Variants in SPSB1 observed in about 807,000 individuals in gnomAD.
SPSB1 encodes the protein SPRY domain-containing SOCS box protein 1.
A neutral mutation model predicts 21.2 loss-of-function variants in SPSB1; 8 were observed. The ratio of observed to expected loss-of-function variants is 0.38; its 90% CI spans 0.22 to 0.68. SPSB1 has a LOEUF of 0.68. SPSB1 is among the 30% of genes least tolerant of loss of function. The probability of loss-of-function intolerance (pLI) is 0.53; values close to 1 mark genes in which losing one functional copy is unlikely to be tolerated. For synonymous variants in SPSB1, 169 were observed against 161.7 expected, an observed-to-expected ratio of 1.05 and a Z score of -0.34; for missense variants, 242 against 377.8, an observed-to-expected ratio of 0.64 and a Z score of 2.98.
intron 1 of SPSB1, among the ~76,000 whole-genome samples, chr1:9,304,847 A>G (rs1160110703): frequency 6.6e-6 from 1 of 151,992 alleles, no homozygotes; most frequent in East Asian, 1.9e-4. Context: ...TAATTTTTAA[A>G]TTTCTCACAA....
chr1:9,351,344 C>T (rs960314741), intron 1 of SPSB1: 7 of 152,208 alleles, frequency 4.6e-5, no homozygotes, highest in African/African-American at 1.7e-4. Context: ...GATGTGGTGA[C>T]CAGGAAGACA....
In SPSB1 at chr1:9,346,139, C is replaced by T. The variant is rs530502112; in HGVS notation, c.-149-9604C>T. 1.3e-5 allele frequency among the ~76,000 whole-genome samples: 2 copies of T among 152,342 alleles called. No individual in the cohort carries two copies. Among genetic ancestry groups the T allele is most frequent in the Non-Finnish European group, 2.9e-5 (2 of 68,030 alleles). ...GATTCTGATAAAATAGCAGATTGCT[C>T]GGGGCATGTTTCTCTTGCAAAATCC... On this transcript the variant is annotated intron_variant, in intron 1 of 2. Coordinates refer to ENST00000328089, the MANE Select transcript of SPSB1 (RefSeq NM_025106.4). The surrounding 1 kb of genome is among the most constrained non-coding windows in gnomAD (Gnocchi z 4.4).
Position 9,305,085 on chromosome 1 carries a change from T to A in SPSB1, c.-150+12014T>A, listed in dbSNP as rs1639389824. On this transcript the variant is annotated intron_variant, in intron 1 of 2. Transcript: ENST00000328089. The surrounding 1 kb of genome is among the most constrained non-coding windows in gnomAD (Gnocchi z 4.8). ...TCCCTACAGGGGCCTCTCCCACTTC[T>A]CCCTCTCGCCCTTGTGGCCCATCTG... is the stretch of plus-strand genomic sequence containing the variant. Among the ~76,000 whole-genome samples, 1 of 152,004 alleles carries A rather than the reference T, an allele frequency of 6.6e-6. No individual in the cohort carries two copies. Among genetic ancestry groups the A allele is most frequent in the Non-Finnish European group, 1.5e-5 (1 of 67,980 alleles).
intron 1 of SPSB1, among the ~76,000 whole-genome samples, chr1:9,325,911 T>C (rs1181020919): frequency 1.3e-5 from 2 of 152,018 alleles, no homozygotes; most frequent in African/African-American, 4.8e-5. Flanking sequence ...ACAGAGATCC[T>C]GAGGCAGGAG....
chr1:9,306,722 G>A (rs1639417461), intron 1 of SPSB1, among the ~76,000 whole-genome samples: 1 of 152,122 alleles, frequency 6.6e-6, no homozygotes, highest in Non-Finnish European at 1.5e-5. Flanking sequence ...CGAGAGATAG[G>A]TCAGCAGAGT....
At chr1:9,359,432 G>A (rs867651383) in intron 2 of SPSB1, among the ~76,000 whole-genome samples, 4 of 152,128 alleles carry the variant, frequency 2.6e-5, no homozygotes, top group South Asian at 2.1e-4. Context: ...GGCTGGGCGC[G>A]GTGGCTCATG....
At chr1:9,355,613 C>G in intron 1 of SPSB1, 130 bp from the exon 2 acceptor site, 1 of 1,038,112 alleles carries the variant, frequency 9.6e-7, no homozygotes, top group East Asian at 3.8e-5. Flanking sequence ...CCAGCCTGCC[C>G]GTGTCAGGCA....
chr1:9,318,783 C>T (rs1454963015), intron 1 of SPSB1, among the ~76,000 whole-genome samples: 2 of 152,198 alleles, frequency 1.3e-5, no homozygotes, highest in East Asian at 1.9e-4. Flanking sequence ...AGGACAGGGT[C>T]CCTGTCTCCA....
At position 9,367,110 on chromosome 1, in the gene SPSB1, C is replaced by T. The variant is rs1364711953; in HGVS notation, c.695-338C>T. The stretch of plus-strand genomic sequence containing the variant: ...CTGCATCTCCTGCCAGCAGGGCGAC[C>T]CCTGGCAAGTCATTTAGACTCTGTC... On this transcript the variant is annotated intron_variant, in intron 2 of 2. Coordinates refer to ENST00000328089, the MANE Select transcript of SPSB1 (RefSeq NM_025106.4). This position sits in a 1 kb window ranked among gnomAD's most constrained non-coding sequence, Gnocchi z 5.9. 6.6e-6 allele frequency among the ~76,000 whole-genome samples: 1 copy of T among 152,146 alleles called. No individual in the cohort carries two copies. Among genetic ancestry groups the T allele is most frequent in the Admixed American group, 6.5e-5 (1 of 15,288 alleles).
At chr1:9,332,964 G>A (rs943606874) in intron 1 of SPSB1, among the ~76,000 whole-genome samples, 7 of 152,238 alleles carry the variant, frequency 4.6e-5, no homozygotes, top group African/African-American at 1.4e-4. Flanking sequence ...TCTGGCCTGG[G>A]CCCCATCCTG....
rs1296724419 is a variant in SPSB1 at position 9,356,760 on chromosome 1, G to C, written c.694+175G>C. On this transcript the variant is annotated intron_variant, in intron 2 of 2. Coordinates refer to ENST00000328089, the MANE Select transcript of SPSB1 (RefSeq NM_025106.4). This position sits in a 1 kb window ranked among gnomAD's most constrained non-coding sequence, Gnocchi z 7.4. ...CGGGTTAAGTGAGGAATTCTACCCA[G>C]AGTCAGCTAGATTACCTAACGGTGC... 6.6e-6 allele frequency among the ~76,000 whole-genome samples: 1 copy of C among 152,244 alleles called. No individual in the cohort carries two copies. Among genetic ancestry groups the C allele is most frequent in the Non-Finnish European group, 1.5e-5 (1 of 68,044 alleles).
intron 1 of SPSB1, among the ~76,000 whole-genome samples, chr1:9,331,375 G>T (rs1465301532): frequency 4.0e-5 from 5 of 125,450 alleles, no homozygotes; most frequent in Non-Finnish European, 6.3e-5. Context: ...TTGTTGCCCA[G>T]GCTGGAGTAC....
chr1:9,323,065 G>A (rs571752181), intron 1 of SPSB1, among the ~76,000 whole-genome samples: 4 of 152,308 alleles, frequency 2.6e-5, no homozygotes, highest in Admixed American at 6.5e-5. Context: ...GGTGGTGGAC[G>A]GGCCAGGCGG....
intron 1 of SPSB1, among the ~76,000 whole-genome samples, chr1:9,307,332 C>T (rs1557446322): frequency 6.6e-6 from 1 of 152,216 alleles, no homozygotes; most frequent in Non-Finnish European, 1.5e-5. Flanking sequence ...CAACTATCCC[C>T]TCTGTCTAGT....
chr1:9,295,205 TGTGAGAGTGTGA>T (rs1434074263), intron 1 of SPSB1, among the ~76,000 whole-genome samples: 4 of 87,744 alleles, frequency 4.6e-5, no homozygotes, highest in African/African-American at 2.0e-4. Flanking sequence ...TGTGTGTGTG[TGTGAGAGTGTGA>T]GTGTGTGTGT....
intron 1 of SPSB1, among the ~76,000 whole-genome samples, chr1:9,339,849 C>T (rs1640061085): frequency 6.6e-6 from 1 of 152,218 alleles, no homozygotes; most frequent in Non-Finnish European, 1.5e-5. Context: ...CTGCCTGCTC[C>T]TTCCGTGGCA....
rs549304734 is a variant in SPSB1, at chr1:9,299,963, C to CAA, written c.-150+6910_-150+6911dup. Among the ~76,000 whole-genome samples, 192 of 88,246 alleles carry CAA rather than the reference C, an allele frequency of 2.2e-3. 1 individual carries two copies. The highest frequency in any genetic ancestry group is 0.011 in the South Asian group (27 of 2,368). The allele number at this position is 88,246 out of a possible 152,430, so 57.9% of individuals were successfully genotyped here. A position where few individuals can be genotyped will look rare whatever the true frequency, so the allele number is the denominator to read the frequency against. Reference sequence around the variant, plus strand: ...TGGGCAACAGAGTAAGACCCTGTCTCAAAAAAAAAAAAAAAAAAAGGGTCT... The same window carrying CAA: ...TGGGCAACAGAGTAAGACCCTGTCTCAAAAAAAAAAAAAAAAAAAAAGGGTCT... On this transcript the variant is annotated intron_variant, in intron 1 of 2. Transcript: ENST00000328089.
At chr1:9,299,796 ATT>A (rs879808630) in intron 1 of SPSB1, among the ~76,000 whole-genome samples, 1 of 145,802 alleles carries the variant, frequency 6.9e-6, no homozygotes, top group Non-Finnish European at 1.5e-5. Flanking sequence ...ATCTCTATAA[ATT>A]TTTTTTTTTT....
chr1:9,328,015 C>T (rs1639844549), intron 1 of SPSB1, among the ~76,000 whole-genome samples: 1 of 152,246 alleles, frequency 6.6e-6, no homozygotes, highest in Non-Finnish European at 1.5e-5. Flanking sequence ...TGCAATCACA[C>T]TTACGCTTTG....
Sources: allele counts gnomAD v4.1 joint callset (sites outside exome capture counted in the v4.1 genomes callset), GRCh38; gene constraint gnomAD v4.1.1; non-coding constraint Gnocchi (gnomAD v3.1); transcripts MANE v1.5; gene names NCBI Gene and HGNC (gene_info 2026-07-23, HGNC 2026-07-21).